IQCJ: variants seen among roughly 807,000 people sequenced by gnomAD.
IQCJ encodes the protein IQ motif containing J.
IQCJ carries 9 observed loss-of-function variants against 11.0 expected under a neutral mutation model. That is an observed-to-expected ratio of 0.82 (90% CI 0.49 to 1.43). The LOEUF (loss-of-function observed/expected upper bound fraction) is 1.43, where lower values mean the gene tolerates loss of function less well. Among genes scored for constraint, IQCJ ranks in the 40% most tolerant of loss-of-function variants. The pLI is 0.00. For synonymous variants in IQCJ, 55 were observed against 51.3 expected (o/e 1.07, Z -0.31); for missense variants, 146 against 133.2 (o/e 1.10, Z -0.47).
At chr3:159,240,511 A>G (rs1577106504) in intron 1 of IQCJ, among the ~76,000 whole-genome samples, 2 of 152,212 alleles carry the variant, frequency 1.3e-5, no homozygotes, top group African/African-American at 4.8e-5. Flanking sequence ...GTAGTGTACT[A>G]TTACATCAAA....
In IQCJ at chr3:159,195,185, A is replaced by G. The variant is rs561285703; in HGVS notation, c.10-50658A>G. Among the ~76,000 whole-genome samples, 7 of 151,480 alleles carry G rather than the reference A, an allele frequency of 4.6e-5. No individual in the cohort carries two copies. In the East Asian group the frequency reaches 9.7e-4, roughly 21 times the overall value. ...TCTTCCTTAATTCAACCTCATTTGT[A>G]CTCCTTGATCCAGCACCCTGAGGAT... On this transcript the variant is annotated intron_variant, in intron 1 of 3. Coordinates refer to ENST00000397832, the MANE Select transcript of IQCJ (RefSeq NM_001042706.3).
intron 1 of IQCJ, among the ~76,000 whole-genome samples, chr3:159,182,783 T>TC (rs1723174730): frequency 6.6e-6 from 1 of 151,552 alleles, no homozygotes; most frequent in African/African-American, 2.4e-5. Flanking sequence ...TTTATTTTAT[T>TC]TTTTTTCACA....
chr3:159,082,280 A>G (rs747601667), intron 1 of IQCJ, among the ~76,000 whole-genome samples: 5 of 152,060 alleles, frequency 3.3e-5, no homozygotes, highest in Non-Finnish European at 5.9e-5. Context: ...AGCACTGATT[A>G]TGGCCTAGAT....
intron 1 of IQCJ, among the ~76,000 whole-genome samples, chr3:159,241,102 GTGT>G (rs1394501185): frequency 6.6e-6 from 1 of 151,834 alleles, no homozygotes; most frequent in Non-Finnish European, 1.5e-5. Flanking sequence ...CCAACTGAAA[GTGT>G]TTTTTTTAAA....
chr3:159,201,627 CTTTTTTT>C (rs71144478), intron 1 of IQCJ, among the ~76,000 whole-genome samples: 1 of 70,314 alleles, frequency 1.4e-5, no homozygotes, highest in African/African-American at 5.4e-5. Context: ...GATAATGATT[CTTTTTTT>C]TTTTTTTTTT....
chr3:159,079,534 T>A (rs1163667225), intron 1 of IQCJ, among the ~76,000 whole-genome samples: 2 of 152,022 alleles, frequency 1.3e-5, no homozygotes, highest in African/African-American at 4.8e-5. Context: ...CTGAAAAAAA[T>A]ATACAGAATC....
At chr3:159,174,728 A>T (rs1403278412) in intron 1 of IQCJ, among the ~76,000 whole-genome samples, 5 of 152,178 alleles carry the variant, frequency 3.3e-5, no homozygotes, top group African/African-American at 1.2e-4. Flanking sequence ...TATTACACAG[A>T]AATTTATTCA....
At chr3:159,109,035 G>A (rs914959795) in intron 1 of IQCJ, among the ~76,000 whole-genome samples, 2 of 152,122 alleles carry the variant, frequency 1.3e-5, no homozygotes, top group Admixed American at 1.3e-4. Context: ...AACATATAGA[G>A]GTAGGTATAA....
intron 1 of IQCJ, among the ~76,000 whole-genome samples, chr3:159,108,936 A>G (rs1718439859): frequency 6.6e-6 from 1 of 152,216 alleles, no homozygotes; most frequent in Non-Finnish European, 1.5e-5. Context: ...TGTGGGAAAG[A>G]GGATGGGGCC....
intron 1 of IQCJ, among the ~76,000 whole-genome samples, chr3:159,162,612 CA>C (rs1197566216): frequency 6.6e-6 from 1 of 151,914 alleles, no homozygotes; most frequent in Non-Finnish European, 1.5e-5. Context: ...AAAAACCCTT[CA>C]AAAAATTAAT....
intron 3 of IQCJ, among the ~76,000 whole-genome samples, chr3:159,261,518 A>G (rs1358583279): frequency 6.6e-6 from 1 of 152,208 alleles, no homozygotes; most frequent in Non-Finnish European, 1.5e-5. Context: ...TTCTGTTGAT[A>G]GTGAGTTCTC....
intron 1 of IQCJ, among the ~76,000 whole-genome samples, chr3:159,197,225 A>G (rs981259570): frequency 3.3e-5 from 5 of 152,206 alleles, no homozygotes; most frequent in African/African-American, 7.2e-5. Flanking sequence ...TAGAAAGTCC[A>G]GTAAGAGCTT....
intron 1 of IQCJ, among the ~76,000 whole-genome samples, chr3:159,087,708 C>A (rs201249791): frequency 0.77 from 109,029 of 141,816 alleles, 42,249 homozygotes; most frequent in African/African-American, 0.83. Flanking sequence ...ATTTGCATAG[C>A]GGTGTTTGTA....
chr3:159,094,753 T>C (rs1717610487), intron 1 of IQCJ, among the ~76,000 whole-genome samples: 1 of 151,840 alleles, frequency 6.6e-6, no homozygotes, highest in African/African-American at 2.4e-5. Context: ...TCATGGACTT[T>C]TGTTTTGGGA....
chr3:159,258,675 A>G lies in IQCJ; in HGVS notation c.156-3873A>G, dbSNP rs193232205. On this transcript the variant is annotated intron_variant, in intron 3 of 3. Transcript: ENST00000397832. The stretch of plus-strand genomic sequence containing the variant: ...CTAAATTCAGCCTACTTGAGTTATA[A>G]TGTATTTTGAATTTTTTATAATTGT... Among the ~76,000 whole-genome samples, 4 of 152,268 alleles carry G rather than the reference A, an allele frequency of 2.6e-5. No homozygotes were observed. In the South Asian group the frequency reaches 6.2e-4, roughly 24 times the overall value.
intron 1 of IQCJ, among the ~76,000 whole-genome samples, chr3:159,154,799 C>T (rs1229508995): frequency 6.6e-6 from 1 of 152,176 alleles, no homozygotes; most frequent in African/African-American, 2.4e-5. Flanking sequence ...TGTCTGGTGT[C>T]ACCCCTGTAG....
At chr3:159,069,843 T>TTG (rs34425057) in intron 1 of IQCJ, 11,682 of 300,218 alleles carry the variant, frequency 0.039, 322 homozygotes, top group African/African-American at 0.078. Flanking sequence ...CCCTCCTTTC[T>TTG]TGTGTGTGTG....
At chr3:159,254,377 C>A (rs900501759) in intron 3 of IQCJ, among the ~76,000 whole-genome samples, 1 of 152,114 alleles carries the variant, frequency 6.6e-6, no homozygotes, top group African/African-American at 2.4e-5. Context: ...CTCAGAGAGC[C>A]TGAGATTTTA....
chr3:159,244,342 T>A (rs1168048701), intron 1 of IQCJ, among the ~76,000 whole-genome samples: 1 of 152,026 alleles, frequency 6.6e-6, no homozygotes, highest in African/African-American at 2.4e-5. Context: ...GTGGGGAAGA[T>A]CTGAAAACAG....
Sources: gnomAD v4.1 joint callset for allele counts (sites outside exome capture counted in the v4.1 genomes callset) on GRCh38, gnomAD v4.1.1 for gene constraint, MANE v1.5 for transcripts, NCBI Gene and HGNC (gene_info 2026-07-23, HGNC 2026-07-21) for gene names.